CAST: variants seen among roughly 807,000 people sequenced by gnomAD.
CAST encodes the protein calpastatin.
Under a neutral mutation model 119.6 loss-of-function variants are expected in CAST, and 76 were observed. The observed-to-expected ratio is 0.64, with a 90% CI of 0.53 to 0.77. The LOEUF is 0.77. Among genes scored for constraint, CAST ranks in the 30% least tolerant of loss-of-function variants. The pLI, the probability that CAST is intolerant of heterozygous loss-of-function variation, is 0.00. For missense variants in CAST, 953 were observed against 946.5 expected, an observed-to-expected ratio of 1.01 and a Z score of -0.09; for synonymous variants, 319 against 331.6, an observed-to-expected ratio of 0.96 and a Z score of 0.41.
the CAST span, chr5:96,433,063 C>T: frequency 5.3e-4 from 851 of 1,611,426 alleles, 9 homozygotes; most frequent in Middle Eastern, 5.0e-4. Context: ...CTCGCTTGAA[C>T]AAGAGTGGGA....
At chr5:96,630,258 G>T (rs1459269860) in intron 1 of CAST, among the ~76,000 whole-genome samples, 1 of 152,156 alleles carries the variant, frequency 6.6e-6, no homozygotes, top group Admixed American at 6.5e-5. Flanking sequence ...AAATGAAGGT[G>T]ATAAGTGGGA....
chr5:96,622,598 T>G (rs2607154), intron 1 of CAST, among the ~76,000 whole-genome samples: 13,885 of 152,070 alleles, frequency 0.091, 760 homozygotes, highest in Middle Eastern at 0.16. Flanking sequence ...AGCCCCACAT[T>G]GAAGCACTTC....
At chr5:96,502,508 G>C in the CAST span, among the ~76,000 whole-genome samples, 4 of 151,696 alleles carry the variant, frequency 2.6e-5, no homozygotes, top group Non-Finnish European at 4.4e-5. Flanking sequence ...TTAAAAAACA[G>C]TGCATGTTCT....
chr5:96,425,017 AAAGAAAG>A, the CAST span, among the ~76,000 whole-genome samples: 1 of 46,154 alleles, frequency 2.2e-5, no homozygotes, highest in African/African-American at 8.5e-5. Flanking sequence ...GAAAAGAAAG[AAAGAAAG>A]AAAGAAAGAA....
At chr5:96,357,951 A>G in the CAST span, among the ~76,000 whole-genome samples, 30 of 152,260 alleles carry the variant, frequency 2.0e-4, 1 homozygote, top group East Asian at 5.6e-3. Flanking sequence ...CTGTGAATCC[A>G]TCTGGTCCTG....
the CAST span, among the ~76,000 whole-genome samples, chr5:96,217,058 A>C: frequency 1.3e-5 from 2 of 152,044 alleles, no homozygotes; most frequent in African/African-American, 4.8e-5. Context: ...AGTTTTTTAG[A>C]GACAAGGTCT....
chr5:96,300,915 A>G, the CAST span, among the ~76,000 whole-genome samples: 1 of 147,848 alleles, frequency 6.8e-6, no homozygotes, highest in Non-Finnish European at 1.5e-5. Flanking sequence ...TCACGTTAAT[A>G]TAGAGAAATG....
chr5:96,550,404 A>G (rs1162307205), intron 1 of CAST, among the ~76,000 whole-genome samples: 2 of 152,146 alleles, frequency 1.3e-5, no homozygotes, highest in Admixed American at 6.5e-5. Context: ...AAAACCTCAT[A>G]TGTAGGTCAC....
At chr5:96,286,415 C>T in the CAST span, among the ~76,000 whole-genome samples, 1,408 of 152,282 alleles carry the variant, frequency 9.2e-3, 27 homozygotes, top group African/African-American at 0.033. Flanking sequence ...GAGAAATCTT[C>T]CTTCACTTGC....
the CAST span, among the ~76,000 whole-genome samples, chr5:96,396,406 C>T: frequency 3.9e-5 from 6 of 151,926 alleles, no homozygotes; most frequent in African/African-American, 1.2e-4. Flanking sequence ...ACTAAAAATA[C>T]AAAAATTAGC....
At chr5:96,514,838 A>C in the CAST span, among the ~76,000 whole-genome samples, 1 of 151,950 alleles carries the variant, frequency 6.6e-6, no homozygotes, top group Non-Finnish European at 1.5e-5. Flanking sequence ...TGCAACCTCC[A>C]CCTCCAGGGT....
the CAST span, among the ~76,000 whole-genome samples, chr5:96,345,973 T>C: frequency 2.6e-3 from 401 of 152,268 alleles, 2 homozygotes; most frequent in African/African-American, 9.2e-3. Flanking sequence ...GTAGGGAGGA[T>C]TACACAACAG....
At chr5:96,718,762 A>G (rs558610293) in intron 3 of CAST, among the ~76,000 whole-genome samples, 2 of 152,316 alleles carry the variant, frequency 1.3e-5, no homozygotes, top group South Asian at 4.1e-4. Context: ...GTAACCCTCA[A>G]CAAACAAAGA....
At chr5:96,594,456 C>T (rs982428537) in intron 1 of CAST, among the ~76,000 whole-genome samples, 2 of 152,090 alleles carry the variant, frequency 1.3e-5, no homozygotes, top group South Asian at 2.1e-4. Flanking sequence ...TATGTAATTT[C>T]GATGATTCTG....
At chr5:96,432,925 G>A in the CAST span, 2 of 1,614,160 alleles carry the variant, frequency 1.2e-6, no homozygotes, top group East Asian at 4.5e-5. Context: ...GGGCCCCCGG[G>A]GATCTCCGCT....
the CAST span, among the ~76,000 whole-genome samples, chr5:96,357,390 G>A: frequency 5.9e-5 from 9 of 152,148 alleles, no homozygotes; most frequent in African/African-American, 2.2e-4. Context: ...TGGTGGCAAA[G>A]GGCATCCTTG....
At chr5:96,182,496 C>A in the CAST span, among the ~76,000 whole-genome samples, 1 of 152,118 alleles carries the variant, frequency 6.6e-6, no homozygotes, top group African/African-American at 2.4e-5. Context: ...CACCTTTAAT[C>A]GTGGAGTCTA....
chr5:96,495,135 A>AAAC, the CAST span, among the ~76,000 whole-genome samples: 80,356 of 146,408 alleles, frequency 0.55, 23,079 homozygotes, highest in South Asian at 0.69. Flanking sequence ...AAAAAAAAAA[A>AAAC]AAAAAGTGTG....
intron 1 of CAST, among the ~76,000 whole-genome samples, chr5:96,544,877 T>C (rs1745978944): frequency 6.6e-6 from 1 of 150,526 alleles, no homozygotes; most frequent in Non-Finnish European, 1.5e-5. Flanking sequence ...GCTTTAAATA[T>C]AAAAACCCAG....
Sources: allele counts gnomAD v4.1 joint callset (sites outside exome capture counted in the v4.1 genomes callset), GRCh38; gene constraint gnomAD v4.1.1; transcripts MANE v1.5; gene names NCBI Gene and HGNC (gene_info 2026-07-23, HGNC 2026-07-21).